AGBL4: variants seen among roughly 807,000 people sequenced by gnomAD.
AGBL4 encodes cytosolic carboxypeptidase 6.
AGBL4 carries 58 observed loss-of-function variants against 66.4 expected under a neutral mutation model. The ratio of observed to expected loss-of-function variants is 0.87; its 90% CI spans 0.71 to 1.09. AGBL4 has a LOEUF of 1.09. AGBL4 is among the 50% of genes least tolerant of loss of function. The pLI, the probability that AGBL4 is intolerant of heterozygous loss-of-function variation, is 0.00. For synonymous variants in AGBL4, 234 were observed against 222.9 expected, an observed-to-expected ratio of 1.05 and a Z score of -0.44; for missense variants, 579 against 631.0, an observed-to-expected ratio of 0.92 and a Z score of 0.88.
chr1:49,504,429 T>C (rs1389476770), intron 3 of AGBL4, among the ~76,000 whole-genome samples: 1 of 152,134 alleles, frequency 6.6e-6, no homozygotes, highest in Admixed American at 6.5e-5. Context: ...TAATTTTTTC[T>C]CTGGATGATG....
At chr1:48,549,888 C>T (rs1349395263) in intron 11 of AGBL4, among the ~76,000 whole-genome samples, 1 of 151,992 alleles carries the variant, frequency 6.6e-6, no homozygotes, top group Non-Finnish European at 1.5e-5. Flanking sequence ...AGCACAGCCG[C>T]AGAGGACAGA....
rs184189885 is a variant in AGBL4 at position 48,838,111 on chromosome 1, C to T, written c.634+29080G>A. ...ACTGCAGATGAAAAGCAATGAATAACTACCCAAAGCAATCTACAGATCAGT... is the reference window on the plus strand; with the variant it reads ...ACTGCAGATGAAAAGCAATGAATAATTACCCAAAGCAATCTACAGATCAGT... On this transcript the variant is annotated intron_variant, in intron 6 of 13. Coordinates refer to ENST00000371839, the MANE Select transcript of AGBL4 (RefSeq NM_032785.4). Among the ~76,000 whole-genome samples the T allele has an allele frequency of 3.6e-3, 541 of 152,058 alleles. 2 individuals carry two copies. In the Middle Eastern group the frequency reaches 0.041, roughly 11 times the overall value.
chr1:49,025,930 T>G (rs971680688), intron 5 of AGBL4, among the ~76,000 whole-genome samples: 2 of 151,608 alleles, frequency 1.3e-5, no homozygotes, highest in African/African-American at 4.9e-5. Context: ...AGAATGGGAG[T>G]TTTTTCAACT....
At chr1:48,750,768 A>C (rs922420631) in intron 6 of AGBL4, among the ~76,000 whole-genome samples, 2 of 152,172 alleles carry the variant, frequency 1.3e-5, no homozygotes, top group Non-Finnish European at 2.9e-5. Flanking sequence ...TCTCTAGTGG[A>C]ATGTTACTGG....
intron 6 of AGBL4, among the ~76,000 whole-genome samples, chr1:48,729,890 A>G (rs1265325458): frequency 1.3e-5 from 2 of 152,042 alleles, no homozygotes; most frequent in Non-Finnish European, 2.9e-5. Context: ...GCCTTTCCAT[A>G]AGGACTGAGA....
intron 4 of AGBL4, among the ~76,000 whole-genome samples, chr1:49,060,248 T>G (rs1644379306): frequency 3.3e-5 from 5 of 152,130 alleles, no homozygotes; most frequent in Admixed American, 3.3e-4. Flanking sequence ...AGTGATGGTC[T>G]TATAAGGCAC....
chr1:49,516,140 A>T (rs1257249403), intron 3 of AGBL4, among the ~76,000 whole-genome samples: 2 of 151,818 alleles, frequency 1.3e-5, no homozygotes, highest in African/African-American at 2.4e-5. Flanking sequence ...ATTCATTAGG[A>T]GCTAGCTCTA....
At chr1:49,382,189 T>C (rs1338216) in intron 3 of AGBL4, among the ~76,000 whole-genome samples, 78,559 of 151,638 alleles carry the variant, frequency 0.52, 21,652 homozygotes, top group Non-Finnish European at 0.62. Context: ...TTGTAACTGA[T>C]GCAAAATAGT....
intron 11 of AGBL4, among the ~76,000 whole-genome samples, chr1:48,567,171 G>C (rs767749621): frequency 2.0e-5 from 3 of 152,118 alleles, no homozygotes; most frequent in Non-Finnish European, 2.9e-5. Flanking sequence ...TCCTTCACAG[G>C]GTTATTGTAA....
intron 3 of AGBL4, among the ~76,000 whole-genome samples, chr1:49,482,209 A>G (rs1056069751): frequency 6.6e-6 from 1 of 151,876 alleles, no homozygotes; most frequent in African/African-American, 2.4e-5. Flanking sequence ...GAATAGTACC[A>G]GCTCTTTGTT....
At chr1:48,975,186 A>G (rs1410716012) in intron 5 of AGBL4, among the ~76,000 whole-genome samples, 1 of 152,140 alleles carries the variant, frequency 6.6e-6, no homozygotes, top group Non-Finnish European at 1.5e-5. Flanking sequence ...GTGAAAAATA[A>G]GTTGCTATAT....
At chr1:49,216,626 T>C (rs895319336) in intron 4 of AGBL4, among the ~76,000 whole-genome samples, 1 of 152,166 alleles carries the variant, frequency 6.6e-6, no homozygotes, top group African/African-American at 2.4e-5. Flanking sequence ...CCATAGTATA[T>C]ATTTCCATAG....
chr1:49,069,147 C>T (rs777957473), intron 4 of AGBL4, among the ~76,000 whole-genome samples: 19 of 151,964 alleles, frequency 1.3e-4, no homozygotes, highest in Non-Finnish European at 2.4e-4. Flanking sequence ...TGTCAGATGG[C>T]TAGATTGCAA....
At chr1:49,001,871 A>G (rs1449649020) in intron 5 of AGBL4, among the ~76,000 whole-genome samples, 1 of 152,200 alleles carries the variant, frequency 6.6e-6, no homozygotes, top group Non-Finnish European at 1.5e-5. Flanking sequence ...AGGATTAGAA[A>G]TTTGGCTTTA....
At chr1:48,971,907 T>C (rs947366396) in intron 5 of AGBL4, among the ~76,000 whole-genome samples, 1 of 152,194 alleles carries the variant, frequency 6.6e-6, no homozygotes, top group Non-Finnish European at 1.5e-5. Flanking sequence ...GCTGGGGCAG[T>C]GCGCCCAATC....
intron 1 of AGBL4, among the ~76,000 whole-genome samples, chr1:49,930,300 A>G (rs934238323): frequency 2.0e-5 from 3 of 152,106 alleles, no homozygotes; most frequent in Non-Finnish European, 2.9e-5. Context: ...CATATAAAAT[A>G]AAGAAATTGA....
intron 3 of AGBL4, among the ~76,000 whole-genome samples, chr1:49,490,447 T>A (rs1231692077): frequency 6.6e-6 from 1 of 151,726 alleles, no homozygotes; most frequent in Non-Finnish European, 1.5e-5. Flanking sequence ...AATATTTAAG[T>A]TGGATTTTTC....
At chr1:49,260,745 A>G (rs1653062792) in intron 3 of AGBL4, among the ~76,000 whole-genome samples, 1 of 152,146 alleles carries the variant, frequency 6.6e-6, no homozygotes, top group African/African-American at 2.4e-5. Flanking sequence ...AGGAACTGGT[A>G]CCATTCCTTC....
intron 1 of AGBL4, among the ~76,000 whole-genome samples, chr1:49,877,125 C>A (rs1223492483): frequency 6.6e-6 from 1 of 151,536 alleles, no homozygotes; most frequent in African/African-American, 2.4e-5. Context: ...TTGACTTCCT[C>A]TTTTCCTAAT....
Sources: gnomAD v4.1 joint callset for allele counts (sites outside exome capture counted in the v4.1 genomes callset) on GRCh38, gnomAD v4.1.1 for gene constraint, MANE v1.5 for transcripts, NCBI Gene and HGNC (gene_info 2026-07-23, HGNC 2026-07-21) for gene names.